DENND5B: variants seen among roughly 807,000 people sequenced by gnomAD.
DENND5B encodes the protein DENN domain containing 5B.
DENND5B carries 34 observed loss-of-function variants against 140.6 expected under a neutral mutation model. The ratio of observed to expected loss-of-function variants is 0.24; its 90% CI spans 0.18 to 0.32. DENND5B has a LOEUF of 0.32. Among genes scored for constraint, DENND5B ranks in the 10% least tolerant of loss-of-function variants. The pLI is 1.00. For missense variants in DENND5B, 1,142 were observed against 1,560.2 expected, an observed-to-expected ratio of 0.73 and a Z score of 4.52; for synonymous variants, 551 against 562.1, an observed-to-expected ratio of 0.98 and a Z score of 0.28.
At chr12:31,427,622 C>T (rs953891254) in intron 8 of DENND5B, among the ~76,000 whole-genome samples, 2 of 145,930 alleles carry the variant, frequency 1.4e-5, no homozygotes, top group African/African-American at 5.0e-5. Context: ...AAAAAAAAAT[C>T]ATCTGGATAC....
At chr12:31,480,348 A>G in intron 2 of DENND5B, 93 bp from the exon 3 acceptor site, 1 of 1,241,716 alleles carries the variant, frequency 8.1e-7, no homozygotes, top group South Asian at 1.8e-5. Context: ...ACAGGATTCA[A>G]AAAGACAGGT....
intron 6 of DENND5B, among the ~76,000 whole-genome samples, chr12:31,446,768 G>A (rs1029678915): frequency 1.3e-5 from 2 of 151,670 alleles, no homozygotes; most frequent in African/African-American, 4.8e-5. Context: ...GGTGGTGGGC[G>A]CCTATAGTCC....
chr12:31,472,263 G>A (rs1425152268), intron 3 of DENND5B, among the ~76,000 whole-genome samples: 1 of 152,144 alleles, frequency 6.6e-6, no homozygotes, highest in East Asian at 1.9e-4. Context: ...TTAAGAAATA[G>A]GGTGAATAAA....
In DENND5B at chr12:31,386,759, G is replaced by C. The variant is rs1357749486; in HGVS notation, c.*844C>G. 6.6e-6 allele frequency: 1 copy of C among 152,148 alleles called. No homozygotes were observed. Among genetic ancestry groups the C allele is most frequent in the Admixed American group, 6.6e-5 (1 of 15,260 alleles). The allele number at this position is 152,148 out of a possible 1,614,324, so 9.4% of individuals were successfully genotyped here. On this transcript the variant is annotated 3_prime_UTR_variant, in exon 21 of 21. Transcript: ENST00000389082. The stretch of plus-strand genomic sequence containing the variant: ...CAAATTAAAAGTACAGAATCAAATT[G>C]CTGTTTGCAGTTCTTATCACTATGA...
At chr12:31,482,409 A>G (rs969419014) in intron 2 of DENND5B, among the ~76,000 whole-genome samples, 1 of 152,154 alleles carries the variant, frequency 6.6e-6, no homozygotes, top group African/African-American at 2.4e-5. Flanking sequence ...GTTTCTTCTT[A>G]TATCAGTCTT....
chr12:31,431,539 A>T (rs113468217), intron 8 of DENND5B, among the ~76,000 whole-genome samples: 68 of 152,334 alleles, frequency 4.5e-4, no homozygotes, highest in Non-Finnish European at 8.2e-4. Context: ...CAAATTGGAC[A>T]AGATGACCTT....
At chr12:31,580,418 T>C (rs1024095117) in intron 1 of DENND5B, among the ~76,000 whole-genome samples, 1 of 152,200 alleles carries the variant, frequency 6.6e-6, no homozygotes, top group African/African-American at 2.4e-5. Flanking sequence ...TTATCCATTA[T>C]CTTGCTTTTT....
intron 8 of DENND5B, among the ~76,000 whole-genome samples, chr12:31,431,432 T>C (rs1943505211): frequency 6.6e-6 from 1 of 152,188 alleles, no homozygotes; most frequent in Non-Finnish European, 1.5e-5. Context: ...GGAAAGAATA[T>C]TGGCCTAGAA....
intron 13 of DENND5B, among the ~76,000 whole-genome samples, chr12:31,409,698 C>T (rs543630194): frequency 2.4e-4 from 37 of 152,074 alleles, no homozygotes; most frequent in Non-Finnish European, 4.6e-4. Flanking sequence ...AGGCTGGTCT[C>T]CAACTCCTGA....
At chr12:31,399,343 A>G (rs902447916) in intron 16 of DENND5B, among the ~76,000 whole-genome samples, 1 of 140,374 alleles carries the variant, frequency 7.1e-6, no homozygotes, top group Non-Finnish European at 1.5e-5. Context: ...CAACGGTGCA[A>G]TCTCGGTTCA....
chr12:31,485,126 T>C (rs1591895851), intron 2 of DENND5B, among the ~76,000 whole-genome samples: 1 of 152,190 alleles, frequency 6.6e-6, no homozygotes, highest in East Asian at 1.9e-4. Flanking sequence ...ATCGATGAGA[T>C]GCATCAAAAA....
intron 1 of DENND5B, among the ~76,000 whole-genome samples, chr12:31,581,334 A>G (rs1227871073): frequency 6.6e-6 from 1 of 152,140 alleles, no homozygotes; most frequent in Non-Finnish European, 1.5e-5. Flanking sequence ...TGGGTCCTTA[A>G]AAGTCCATGT....
At chr12:31,499,513 C>G (rs1946923222) in intron 1 of DENND5B, 1 of 1,078,020 alleles carries the variant, frequency 9.3e-7, no homozygotes, top group African/African-American at 1.6e-5. Flanking sequence ...TCTGACCAAG[C>G]AAAACTGAAT....
In DENND5B at chr12:31,542,079, A is replaced by G. The variant is rs567592205; in HGVS notation, c.128-46160T>C. Among the ~76,000 whole-genome samples, 3 of 152,124 alleles carry G rather than the reference A, an allele frequency of 2.0e-5. 1 individual carries two copies. The highest frequency in any genetic ancestry group is 4.2e-4 in the South Asian group (2 of 4,804). On this transcript the variant is annotated intron_variant, in intron 1 of 20. Coordinates refer to ENST00000389082, the MANE Select transcript of DENND5B (RefSeq NM_144973.4). Reference sequence around the variant, plus strand: ...AAAACGGGCAGATCACAAGGTCAGGAGTTCAAGACCAGTCTGGCCAATACG... The same window carrying G: ...AAAACGGGCAGATCACAAGGTCAGGGGTTCAAGACCAGTCTGGCCAATACG...
intron 20 of DENND5B, among the ~76,000 whole-genome samples, chr12:31,388,892 C>T (rs1427271651): frequency 1.3e-5 from 2 of 152,166 alleles, no homozygotes; most frequent in Non-Finnish European, 2.9e-5. Context: ...TATCTAACAA[C>T]TTCCTTATTA....
rs768326866 is a variant in DENND5B at position 31,387,573 on chromosome 12, G to C, written c.*30C>G. 2.5e-5 allele frequency: 40 copies of C among 1,604,726 alleles called. No individual in the cohort carries two copies. The highest frequency in any genetic ancestry group is 2.9e-5 in the Non-Finnish European group (34 of 1,173,432). Reference sequence around the variant, plus strand: ...GTCCCCTAGTTGGGGAAGGAGCAAGGTTTGGACTGAGAGTTTCTAGCCAGT... The same window carrying C: ...GTCCCCTAGTTGGGGAAGGAGCAAGCTTTGGACTGAGAGTTTCTAGCCAGT... On this transcript the variant is annotated 3_prime_UTR_variant, in exon 21 of 21. Coordinates refer to ENST00000389082, the MANE Select transcript of DENND5B (RefSeq NM_144973.4).
intron 15 of DENND5B, among the ~76,000 whole-genome samples, chr12:31,402,257 C>G (rs1941843883): frequency 6.6e-6 from 1 of 151,990 alleles, no homozygotes. Context: ...AGGAGAAGAC[C>G]TAGAAAGCCC....
intron 2 of DENND5B, among the ~76,000 whole-genome samples, chr12:31,494,219 CCTCT>C (rs1946674534): frequency 1.9e-4 from 15 of 79,000 alleles, no homozygotes; most frequent in African/African-American, 6.4e-4. Context: ...TACCTACCTA[CCTCT>C]ACCTACCTAC....
At chr12:31,588,455 T>C (rs989876220) in intron 1 of DENND5B, among the ~76,000 whole-genome samples, 8 of 152,220 alleles carry the variant, frequency 5.3e-5, no homozygotes, top group African/African-American at 1.9e-4. Flanking sequence ...ATTGAAAATG[T>C]AGTTAGGCCT....
Sources: allele counts gnomAD v4.1 joint callset (sites outside exome capture counted in the v4.1 genomes callset), GRCh38; gene constraint gnomAD v4.1.1; transcripts MANE v1.5; gene names NCBI Gene and HGNC (gene_info 2026-07-23, HGNC 2026-07-21).